The following AFG2A variants were observed in gnomAD, a reference collection of about 807,000 sequenced individuals.
The protein encoded by AFG2A is ATPase family gene 2 protein homolog A.
chr4:122,934,167 A>T, the AFG2A span: 1 of 1,614,224 alleles, frequency 6.2e-7, no homozygotes, highest in East Asian at 2.2e-5. Flanking sequence ...AGCTGCAAGT[A>T]TTGCGAGTGA....
chr4:122,937,758 G>A, the AFG2A span, among the ~76,000 whole-genome samples: 1 of 152,108 alleles, frequency 6.6e-6, no homozygotes, highest in Admixed American at 6.5e-5. Flanking sequence ...TCTAGTTTAT[G>A]TCCTTTGGTT....
the AFG2A span, among the ~76,000 whole-genome samples, chr4:123,202,352 A>G: frequency 6.6e-6 from 1 of 152,206 alleles, no homozygotes; most frequent in Non-Finnish European, 1.5e-5. Context: ...TGCAATGTAT[A>G]TAAACATATA....
At chr4:123,089,243 C>T in the AFG2A span, among the ~76,000 whole-genome samples, 2 of 152,164 alleles carry the variant, frequency 1.3e-5, no homozygotes, top group East Asian at 3.9e-4. Flanking sequence ...AGTCTAAATA[C>T]TGTCATTTAG....
At chr4:123,039,477 CTTGTT>C in the AFG2A span, among the ~76,000 whole-genome samples, 2 of 152,096 alleles carry the variant, frequency 1.3e-5, no homozygotes, top group South Asian at 4.2e-4. Context: ...TTATCTAAAG[CTTGTT>C]TTATTGGGTG....
chr4:122,930,462 A>C, the AFG2A span, among the ~76,000 whole-genome samples: 1 of 152,044 alleles, frequency 6.6e-6, no homozygotes, highest in Non-Finnish European at 1.5e-5. Flanking sequence ...TAGATTTTAG[A>C]CTTGAGTTTT....
the AFG2A span, among the ~76,000 whole-genome samples, chr4:123,004,188 C>T: frequency 2.0e-5 from 3 of 152,144 alleles, no homozygotes; most frequent in African/African-American, 4.8e-5. Flanking sequence ...TGGGAGTGGC[C>T]CAATTTTCCA....
chr4:123,131,692 A>G, the AFG2A span, among the ~76,000 whole-genome samples: 2 of 152,172 alleles, frequency 1.3e-5, no homozygotes, highest in Admixed American at 6.5e-5. Context: ...ATTTTATTAT[A>G]TGTATATACC....
the AFG2A span, among the ~76,000 whole-genome samples, chr4:123,184,725 A>C: frequency 6.7e-6 from 1 of 150,054 alleles, no homozygotes; most frequent in Admixed American, 6.6e-5. Context: ...TTTAGTAGAG[A>C]CGGGGTTTCA....
chr4:122,977,818 CCTT>C, the AFG2A span, among the ~76,000 whole-genome samples: 4 of 152,194 alleles, frequency 2.6e-5, no homozygotes, highest in African/African-American at 9.7e-5. Context: ...GTGGGTAGGT[CCTT>C]CTGCCATCAG....
At chr4:123,305,869 G>A in the AFG2A span, among the ~76,000 whole-genome samples, 1 of 152,024 alleles carries the variant, frequency 6.6e-6, no homozygotes, top group African/African-American at 2.4e-5. Context: ...CCACAGTGAA[G>A]TAAGACATTG....
At chr4:123,207,172 G>A in the AFG2A span, among the ~76,000 whole-genome samples, 2 of 152,034 alleles carry the variant, frequency 1.3e-5, no homozygotes, top group African/African-American at 4.8e-5. Flanking sequence ...GGTCACTTCT[G>A]CATCAGTTGT....
At chr4:123,099,685 A>C in the AFG2A span, among the ~76,000 whole-genome samples, 1 of 151,842 alleles carries the variant, frequency 6.6e-6, no homozygotes, top group Non-Finnish European at 1.5e-5. Flanking sequence ...CCCCTCTTGA[A>C]AGCTCTCTTA....
the AFG2A span, among the ~76,000 whole-genome samples, chr4:123,015,891 G>A: frequency 3.5e-5 from 2 of 56,414 alleles, no homozygotes; most frequent in Non-Finnish European, 9.6e-5. Context: ...CGGACGGGGC[G>A]GCTGGCCGGG....
the AFG2A span, among the ~76,000 whole-genome samples, chr4:122,956,041 T>A: frequency 1.3e-5 from 2 of 152,228 alleles, no homozygotes; most frequent in African/African-American, 4.8e-5. Flanking sequence ...CAGCATGCCT[T>A]ACTAGAGACT....
the AFG2A span, among the ~76,000 whole-genome samples, chr4:123,060,076 A>T: frequency 3.9e-5 from 6 of 152,176 alleles, no homozygotes; most frequent in African/African-American, 1.4e-4. Flanking sequence ...CCTCACATCC[A>T]GGTCACACTG....
At chr4:123,117,691 T>A in the AFG2A span, among the ~76,000 whole-genome samples, 1 of 151,836 alleles carries the variant, frequency 6.6e-6, no homozygotes, top group South Asian at 2.1e-4. Context: ...GAAAAAGTTC[T>A]ACTTTCTGTA....
the AFG2A span, among the ~76,000 whole-genome samples, chr4:123,269,977 C>T: frequency 1.3e-5 from 2 of 152,080 alleles, no homozygotes; most frequent in African/African-American, 2.4e-5. Context: ...CCACCACGCC[C>T]GGCTAATTAT....
chr4:122,923,151 CAAG>C, the AFG2A span: 3 of 1,614,062 alleles, frequency 1.9e-6, no homozygotes, highest in Non-Finnish European at 2.5e-6. Context: ...CCATGTCTTC[CAAG>C]AAGAATAGAA....
the AFG2A span, chr4:123,028,326 T>C: frequency 3.0e-5 from 48 of 1,614,062 alleles, no homozygotes; most frequent in Non-Finnish European, 4.0e-5. Flanking sequence ...ATGGGCCACC[T>C]GGGTGCTCTA....
Sources: gnomAD v4.1 joint callset for allele counts (sites outside exome capture counted in the v4.1 genomes callset) on GRCh38, gnomAD v4.1.1 for gene constraint, MANE v1.5 for transcripts, NCBI Gene and HGNC (gene_info 2026-07-23, HGNC 2026-07-21) for gene names.